The following RASAL2 variants were observed in gnomAD, a reference collection of about 807,000 sequenced individuals.
RASAL2 encodes RAS protein activator like 2, also known as ras GTPase-activating protein nGAP.
Under a neutral mutation model 128.9 loss-of-function variants are expected in RASAL2, and 58 were observed. The observed-to-expected ratio is 0.45, with a 90% CI of 0.36 to 0.56. The LOEUF (loss-of-function observed/expected upper bound fraction) is 0.56. Ranked by LOEUF, RASAL2 falls within the 20% of genes least tolerant of loss-of-function variation. The pLI, the probability that RASAL2 is intolerant of heterozygous loss-of-function variation, is 0.00. For missense variants in RASAL2, 1,360 were observed against 1,601.6 expected, an observed-to-expected ratio of 0.85 and a Z score of 2.57; for synonymous variants, 561 against 580.8, an observed-to-expected ratio of 0.97 and a Z score of 0.49.
chr1:178,348,590 C>T (rs1053748933), intron 3 of RASAL2, among the ~76,000 whole-genome samples: 3 of 152,146 alleles, frequency 2.0e-5, no homozygotes, highest in African/African-American at 7.2e-5. Context: ...TGAGCTACCA[C>T]GCCCAGCCTG....
intron 1 of RASAL2, among the ~76,000 whole-genome samples, chr1:178,217,480 T>C (rs6704174): frequency 6.6e-6 from 1 of 152,194 alleles, no homozygotes; most frequent in Non-Finnish European, 1.5e-5. Flanking sequence ...AGGTTCACTC[T>C]TGGTGTTGTA....
At chr1:178,376,438 A>G (rs1482690350) in intron 3 of RASAL2, among the ~76,000 whole-genome samples, 1 of 152,144 alleles carries the variant, frequency 6.6e-6, no homozygotes, top group Non-Finnish European at 1.5e-5. Context: ...TGGAGGAGAG[A>G]GCAAGATCTT....
chr1:178,131,920 C>A (rs1660135012), intron 1 of RASAL2, among the ~76,000 whole-genome samples: 1 of 152,114 alleles, frequency 6.6e-6, no homozygotes, highest in South Asian at 2.1e-4. Flanking sequence ...ACTGTTTATC[C>A]CTATACTAAA....
At chr1:178,257,197 TACTC>T (rs1290772992) in intron 1 of RASAL2, among the ~76,000 whole-genome samples, 4 of 152,202 alleles carry the variant, frequency 2.6e-5, no homozygotes, top group African/African-American at 9.6e-5. Flanking sequence ...ATGTCAACAA[TACTC>T]ACAAAATGGT....
intron 3 of RASAL2, among the ~76,000 whole-genome samples, chr1:178,304,515 C>G (rs1476205662): frequency 1.3e-5 from 2 of 152,064 alleles, no homozygotes; most frequent in African/African-American, 2.4e-5. Flanking sequence ...AGAGTGAGAC[C>G]TTGTCTCAAA....
At chr1:178,199,694 T>G (rs914376529) in intron 1 of RASAL2, among the ~76,000 whole-genome samples, 1 of 152,164 alleles carries the variant, frequency 6.6e-6, no homozygotes, top group African/African-American at 2.4e-5. Context: ...TGTTTTTTTT[T>G]GGAGACAAAA....
intron 16 of RASAL2, 60 bp downstream of exon 16, chr1:178,466,182 C>G (rs1368686631): frequency 4.0e-5 from 58 of 1,458,356 alleles, no homozygotes; most frequent in Non-Finnish European, 5.0e-5. Flanking sequence ...TTGAGATGAT[C>G]CACAGAACCC....
At chr1:178,262,904 A>G (rs775787282) in intron 1 of RASAL2, among the ~76,000 whole-genome samples, 8 of 149,954 alleles carry the variant, frequency 5.3e-5, no homozygotes, top group African/African-American at 1.7e-4. Context: ...TGGCCCTTAT[A>G]TTTCATTTCT....
At chr1:178,333,428 G>A (rs1013285920) in intron 3 of RASAL2, among the ~76,000 whole-genome samples, 4 of 151,984 alleles carry the variant, frequency 2.6e-5, no homozygotes, top group Admixed American at 6.6e-5. Flanking sequence ...ACCTATTTTT[G>A]TTTTTTGTCA....
intron 1 of RASAL2, among the ~76,000 whole-genome samples, chr1:178,260,811 T>C (rs1208238456): frequency 2.0e-5 from 3 of 152,148 alleles, no homozygotes; most frequent in Non-Finnish European, 4.4e-5. Flanking sequence ...AGAGGACTGC[T>C]CTTCAACATG....
At chr1:178,258,448 G>T (rs926041664) in intron 1 of RASAL2, among the ~76,000 whole-genome samples, 1 of 152,116 alleles carries the variant, frequency 6.6e-6, no homozygotes, top group Non-Finnish European at 1.5e-5. Flanking sequence ...TTAAAAACAG[G>T]CAAAGGATCT....
intron 1 of RASAL2, among the ~76,000 whole-genome samples, chr1:178,207,642 A>G (rs1663101229): frequency 2.0e-5 from 3 of 152,192 alleles, no homozygotes; most frequent in African/African-American, 7.2e-5. Context: ...ATTCCTTTTT[A>G]TTATTAAAAC....
chr1:178,184,939 A>G (rs1308274275), intron 1 of RASAL2, among the ~76,000 whole-genome samples: 1 of 152,068 alleles, frequency 6.6e-6, no homozygotes, highest in Admixed American at 6.5e-5. Flanking sequence ...CTTCCAATCC[A>G]TGAATTTAGA....
chr1:178,395,980 A>C (rs1464043867), intron 4 of RASAL2, among the ~76,000 whole-genome samples: 2 of 151,894 alleles, frequency 1.3e-5, no homozygotes, highest in Non-Finnish European at 2.9e-5. Context: ...TCTTCTAATG[A>C]TAAATATCTT....
chr1:178,117,167 C>T (rs987553966), intron 1 of RASAL2, among the ~76,000 whole-genome samples: 1 of 152,058 alleles, frequency 6.6e-6, no homozygotes, highest in Non-Finnish European at 1.5e-5. Context: ...TCAAAATATT[C>T]CCTTATACTT....
At chr1:178,126,722 A>G (rs897655840) in intron 1 of RASAL2, among the ~76,000 whole-genome samples, 2 of 152,160 alleles carry the variant, frequency 1.3e-5, no homozygotes, top group African/African-American at 4.8e-5. Flanking sequence ...TGTTCTTCAT[A>G]TTCCATGGGA....
rs1163860840 is a variant in RASAL2, at chr1:178,237,582, C to CT, written c.203-45979dup. ...TTGGAGTTTACCAATGTGGTGGTAA[C>CT]TTTAATATTCTTACTTTTACATATA... On this transcript the variant is annotated intron_variant, in intron 1 of 17. Coordinates refer to ENST00000367649, the MANE Select transcript of RASAL2 (RefSeq NM_170692.4). Among the ~76,000 whole-genome samples, 9 of 152,286 alleles carry CT rather than the reference C, an allele frequency of 5.9e-5. No individual in the cohort carries two copies. In the South Asian group the frequency reaches 1.9e-3, roughly 32 times the overall value.
intron 1 of RASAL2, among the ~76,000 whole-genome samples, chr1:178,197,439 G>A (rs1662696629): frequency 6.6e-6 from 1 of 151,464 alleles, no homozygotes; most frequent in Admixed American, 6.6e-5. Flanking sequence ...GAGCGACAGA[G>A]CGAGACTCTG....
At chr1:178,192,571 G>C (rs1662528506) in intron 1 of RASAL2, among the ~76,000 whole-genome samples, 8 of 152,156 alleles carry the variant, frequency 5.3e-5, no homozygotes, top group Admixed American at 4.6e-4. Flanking sequence ...AACCATTAGT[G>C]TATGTGTGTA....
Sources: allele counts gnomAD v4.1 joint callset (sites outside exome capture counted in the v4.1 genomes callset), GRCh38; gene constraint gnomAD v4.1.1; transcripts MANE v1.5; gene names NCBI Gene and HGNC (gene_info 2026-07-23, HGNC 2026-07-21).